The following FMN1 variants were observed in gnomAD, a reference collection of about 807,000 sequenced individuals.
FMN1 encodes the protein formin 1, also known as formin-1.
A neutral mutation model predicts 132.4 loss-of-function variants in FMN1; 110 were observed. That is an observed-to-expected ratio of 0.83 (90% CI 0.71 to 0.97). FMN1 has a LOEUF of 0.97. Ranked by LOEUF, FMN1 falls within the 50% of genes least tolerant of loss-of-function variation. The pLI, the probability that FMN1 is intolerant of heterozygous loss-of-function variation, is 0.00. For missense variants in FMN1, 1,792 were observed against 1,705.3 expected (o/e 1.05, Z -0.90); for synonymous variants, 722 against 651.7 (o/e 1.11, Z -1.64).
intron 6 of FMN1, among the ~76,000 whole-genome samples, chr15:33,033,888 C>G (rs180884786): frequency 2.0e-5 from 3 of 152,310 alleles, no homozygotes; most frequent in Admixed American, 1.3e-4. Context: ...CACTCCCTCT[C>G]TGATACACTT....
At chr15:33,043,715 T>C (rs938312248) in intron 6 of FMN1, among the ~76,000 whole-genome samples, 2 of 152,210 alleles carry the variant, frequency 1.3e-5, no homozygotes, top group African/African-American at 2.4e-5. Flanking sequence ...CTGGCTGCAG[T>C]TGGGGAGGCA....
chr15:32,940,320 A>C (rs780182160), intron 9 of FMN1, among the ~76,000 whole-genome samples: 2 of 152,040 alleles, frequency 1.3e-5, no homozygotes, highest in Non-Finnish European at 2.9e-5. Flanking sequence ...TCAACGCTGA[A>C]AGGCAGACAG....
At chr15:33,182,097 C>T (rs1343366133) in intron 2 of FMN1, among the ~76,000 whole-genome samples, 10 of 152,084 alleles carry the variant, frequency 6.6e-5, no homozygotes, top group East Asian at 1.9e-4. Flanking sequence ...AGAAGCCAGT[C>T]GGGAGGTTAG....
At chr15:32,935,296 CCTT>C (rs2061237627) in intron 9 of FMN1, among the ~76,000 whole-genome samples, 1 of 152,142 alleles carries the variant, frequency 6.6e-6, no homozygotes, top group African/African-American at 2.4e-5. Flanking sequence ...TACCCTATAT[CCTT>C]CTGGTCTGCA....
chr15:32,872,353 CATT>C lies in FMN1; in HGVS notation c.3836-15249_3836-15247del, dbSNP rs561808264. On this transcript the variant is annotated intron_variant, in intron 16 of 20. Coordinates refer to ENST00000616417, the MANE Select transcript of FMN1 (RefSeq NM_001277313.2). The stretch of plus-strand genomic sequence containing the variant: ...AGTACTTCAAGAAGCATACAGGTAT[CATT>C]AGTGCAAGACAATGGTTAAAAGTCA... Among the ~76,000 whole-genome samples the C allele has an allele frequency of 3.8e-3, 580 of 152,310 alleles. 6 individuals are homozygous for C. The highest frequency in any genetic ancestry group is 0.013 in the African/African-American group (545 of 41,572).
chr15:33,007,768 T>G (rs1391497687), intron 7 of FMN1, among the ~76,000 whole-genome samples: 1 of 152,190 alleles, frequency 6.6e-6, no homozygotes, highest in African/African-American at 2.4e-5. Context: ...GCTTTAAAAA[T>G]AAAATAATCA....
chr15:33,145,054 T>G (rs1399841935), intron 4 of FMN1, among the ~76,000 whole-genome samples: 1 of 152,188 alleles, frequency 6.6e-6, no homozygotes, highest in East Asian at 1.9e-4. Context: ...GGTATTTCAC[T>G]GACTCTACCG....
chr15:32,892,499 G>T (rs1204991150), intron 15 of FMN1, among the ~76,000 whole-genome samples: 1 of 152,180 alleles, frequency 6.6e-6, no homozygotes, highest in Non-Finnish European at 1.5e-5. Flanking sequence ...TGTTCAACAA[G>T]GATATCGGTC....
At chr15:32,791,883 C>T (rs2057092711) in intron 19 of FMN1, among the ~76,000 whole-genome samples, 1 of 151,830 alleles carries the variant, frequency 6.6e-6, no homozygotes, top group African/African-American at 2.4e-5. Flanking sequence ...CAGATGAAGG[C>T]TGGGTATACA....
chr15:32,930,204 G>T (rs2061075317), intron 9 of FMN1, among the ~76,000 whole-genome samples: 1 of 151,838 alleles, frequency 6.6e-6, no homozygotes, highest in Non-Finnish European at 1.5e-5. Context: ...AGCCAGAATG[G>T]TCTCTATCTC....
chr15:32,818,268 T>A (rs1014711546), intron 17 of FMN1, among the ~76,000 whole-genome samples: 7 of 152,136 alleles, frequency 4.6e-5, no homozygotes, highest in African/African-American at 1.7e-4. Context: ...ACTTTTATAA[T>A]GAATTTATAT....
At chr15:32,945,763 G>A (rs1203814824) in intron 9 of FMN1, among the ~76,000 whole-genome samples, 1 of 149,798 alleles carries the variant, frequency 6.7e-6, no homozygotes, top group Non-Finnish European at 1.5e-5. Context: ...CCTGTGTAGA[G>A]GTGAAGAGCC....
In FMN1 at chr15:32,906,426, T is replaced by C. The variant is rs1373841891; in HGVS notation, c.3377+2064A>G. On this transcript the variant is annotated intron_variant, in intron 12 of 20. Coordinates refer to ENST00000616417, the MANE Select transcript of FMN1 (RefSeq NM_001277313.2). The stretch of plus-strand genomic sequence containing the variant: ...TGTCATTGGGGCACAGCGATACCCA[T>C]TTGTTTATATACTGCCTGTGGTTGC... Among the ~76,000 whole-genome samples the C allele has an allele frequency of 3.9e-5, 6 of 152,352 alleles. No individual in the cohort carries two copies. In the East Asian group the frequency reaches 5.8e-4, roughly 15 times the overall value.
At chr15:33,078,247 C>A (rs2038301704) in intron 5 of FMN1, among the ~76,000 whole-genome samples, 1 of 152,128 alleles carries the variant, frequency 6.6e-6, no homozygotes, top group Non-Finnish European at 1.5e-5. Flanking sequence ...ATATTCTTAA[C>A]CAAGTGCTTG....
At chr15:32,859,228 C>A (rs371303754) in intron 16 of FMN1, among the ~76,000 whole-genome samples, 6 of 152,158 alleles carry the variant, frequency 3.9e-5, no homozygotes, top group African/African-American at 1.2e-4. Flanking sequence ...ATCTTGTCCC[C>A]TGAAAACAAA....
At chr15:33,183,479 G>A (rs1965773778) in intron 2 of FMN1, among the ~76,000 whole-genome samples, 1 of 152,204 alleles carries the variant, frequency 6.6e-6, no homozygotes, top group African/African-American at 2.4e-5. Flanking sequence ...CTTGAGGACA[G>A]AGACTGTGTG....
intron 2 of FMN1, among the ~76,000 whole-genome samples, chr15:33,190,072 A>T (rs1420111077): frequency 1.3e-5 from 2 of 152,358 alleles, no homozygotes; most frequent in Admixed American, 1.3e-4. Context: ...ACACATTTAA[A>T]CATAACAATG....
At chr15:32,823,214 T>A (rs541921385) in intron 17 of FMN1, among the ~76,000 whole-genome samples, 1 of 135,692 alleles carries the variant, frequency 7.4e-6, no homozygotes, top group South Asian at 2.4e-4. Context: ...CAGGCTGGAG[T>A]GCAGTGGCTC....
chr15:32,913,882 T>C (rs1298267972), intron 10 of FMN1, among the ~76,000 whole-genome samples: 2 of 152,110 alleles, frequency 1.3e-5, no homozygotes, highest in African/African-American at 2.4e-5. Context: ...GTCCTGCTGA[T>C]GGGAGGAAAA....
Sources: allele counts gnomAD v4.1 joint callset (sites outside exome capture counted in the v4.1 genomes callset), GRCh38; gene constraint gnomAD v4.1.1; transcripts MANE v1.5; gene names NCBI Gene and HGNC (gene_info 2026-07-23, HGNC 2026-07-21).